NELL1: variants seen among roughly 807,000 people sequenced by gnomAD.
The protein encoded by NELL1 is neural EGFL like 1.
A neutral mutation model predicts 107.4 loss-of-function variants in NELL1; 76 were observed. The observed-to-expected ratio is 0.71, with a 90% confidence interval of 0.59 to 0.86. The LOEUF is 0.86. Ranked by LOEUF, NELL1 falls within the 40% of genes least tolerant of loss-of-function variation. NELL1 has a pLI of 0.00. For missense variants in NELL1, 1,024 were observed against 1,005.5 expected (o/e 1.02, Z -0.25); for synonymous variants, 353 against 341.2 (o/e 1.03, Z -0.38).
chr11:20,804,206 GT>G (rs1857335910), intron 3 of NELL1, among the ~76,000 whole-genome samples: 1 of 151,990 alleles, frequency 6.6e-6, no homozygotes, highest in African/African-American at 2.4e-5. Flanking sequence ...ATTATCATTT[GT>G]TTCAAAAATT....
intron 9 of NELL1, among the ~76,000 whole-genome samples, chr11:20,931,857 G>A (rs559324110): frequency 6.6e-6 from 1 of 151,840 alleles, no homozygotes; most frequent in Non-Finnish European, 1.5e-5. Context: ...AAATTCCCAA[G>A]CTTCTCTCTG....
chr11:21,257,899 A>T lies in NELL1; in HGVS notation c.1549+28445A>T, dbSNP rs189992503. On this transcript the variant is annotated intron_variant, in intron 14 of 19. Coordinates refer to ENST00000357134, the MANE Select transcript of NELL1 (RefSeq NM_006157.5). ...ACCCTAAGTGACAAATGTACCAACCAGCAAGATACATCCCTTTCTCCTAGT... is the reference window on the plus strand; with the variant it reads ...ACCCTAAGTGACAAATGTACCAACCTGCAAGATACATCCCTTTCTCCTAGT... 2.0e-5 allele frequency among the ~76,000 whole-genome samples: 3 copies of T among 152,102 alleles called. No homozygotes were observed. In the East Asian group the frequency reaches 5.8e-4, roughly 30 times the overall value.
intron 14 of NELL1, among the ~76,000 whole-genome samples, chr11:21,340,874 T>C (rs189336443): frequency 5.1e-4 from 77 of 152,270 alleles, no homozygotes; most frequent in African/African-American, 1.8e-3. Flanking sequence ...ACAGTAAATT[T>C]ATGCTGTTTA....
At chr11:20,688,134 T>C (rs1429421448) in intron 2 of NELL1, among the ~76,000 whole-genome samples, 3 of 152,116 alleles carry the variant, frequency 2.0e-5, no homozygotes, top group Non-Finnish European at 2.9e-5. Flanking sequence ...TGTGTAACCA[T>C]AGTTTTCGTA....
chr11:20,928,340 A>G lies in NELL1; in HGVS notation c.895-37A>G, dbSNP rs755688818. 1.9e-6 allele frequency: 3 copies of G among 1,547,730 alleles called. No homozygotes were observed. In the Admixed American group the frequency reaches 5.0e-5, roughly 26 times the overall value. On this transcript the variant is annotated intron_variant, in intron 8 of 19. Transcript: ENST00000357134. ...TCCACAACAGGAGCTATCAAAGGAT[A>G]CTTCTGAGATTATGTTCCATGTCCT... is the stretch of plus-strand genomic sequence containing the variant.
intron 5 of NELL1, among the ~76,000 whole-genome samples, chr11:20,917,973 T>G (rs558189568): frequency 2.1e-4 from 32 of 152,124 alleles, no homozygotes; most frequent in African/African-American, 7.5e-4. Flanking sequence ...TGGTAACTAA[T>G]TGGAGCTTTC....
intron 13 of NELL1, among the ~76,000 whole-genome samples, chr11:21,128,051 A>T (rs780874527): frequency 2.0e-5 from 3 of 152,132 alleles, no homozygotes; most frequent in African/African-American, 4.8e-5. Context: ...CAACCAGCCC[A>T]ACACAGGGAC....
At chr11:20,669,565 G>C (rs967272405), upstream of NELL1, 5 of 379,854 alleles carry the variant, frequency 1.3e-5, no homozygotes, top group South Asian at 4.6e-5. This position sits in a 1 kb window ranked among gnomAD's most constrained non-coding sequence, Gnocchi z 4.4. Context: ...CTGCCTTCCC[G>C]GGCGCATATG....
chr11:21,546,784 T>C (rs963617160), intron 16 of NELL1, among the ~76,000 whole-genome samples: 1 of 151,968 alleles, frequency 6.6e-6, no homozygotes, highest in South Asian at 2.1e-4. Context: ...TATCTACAAT[T>C]TCTTTGAAAT....
At chr11:20,793,696 C>T (rs922944851) in intron 3 of NELL1, among the ~76,000 whole-genome samples, 3 of 152,076 alleles carry the variant, frequency 2.0e-5, no homozygotes, top group African/African-American at 4.8e-5. Flanking sequence ...TTTTCTATAG[C>T]TCTTAATTTC....
chr11:20,714,997 A>G (rs1184526378), intron 2 of NELL1, among the ~76,000 whole-genome samples: 2 of 152,244 alleles, frequency 1.3e-5, no homozygotes, highest in East Asian at 3.9e-4. Context: ...TAATCCCAGT[A>G]CTTCGGGAGG....
chr11:20,979,089 G>A (rs1851697968), intron 12 of NELL1, among the ~76,000 whole-genome samples: 2 of 152,128 alleles, frequency 1.3e-5, no homozygotes, highest in Non-Finnish European at 1.5e-5. Flanking sequence ...GTTTTTGGTC[G>A]ACTGAACCAA....
intron 17 of NELL1, among the ~76,000 whole-genome samples, chr11:21,567,338 GGCCTATTGTTGGGAAAT>G (rs1331840459): frequency 6.7e-6 from 1 of 150,240 alleles, no homozygotes; most frequent in Non-Finnish European, 1.5e-5. Flanking sequence ...GTAAACCAAA[GGCCTATTGTTGGGAAAT>G]TCCTAGGATC....
chr11:21,474,702 CT>C (rs1178046786), intron 15 of NELL1, among the ~76,000 whole-genome samples: 1 of 151,938 alleles, frequency 6.6e-6, no homozygotes, highest in Non-Finnish European at 1.5e-5. Context: ...TAAGCACAAT[CT>C]TTTTTTCCAC....
intron 15 of NELL1, among the ~76,000 whole-genome samples, chr11:21,454,582 A>T (rs1475591441): frequency 6.6e-6 from 1 of 152,238 alleles, no homozygotes; most frequent in African/African-American, 2.4e-5. Context: ...AATGAAAAAG[A>T]ATACATCTCT....
chr11:21,565,779 C>T lies in NELL1; in HGVS notation c.1981-4985C>T, dbSNP rs113525645. Among the ~76,000 whole-genome samples the T allele has an allele frequency of 2.1e-4, 32 of 152,020 alleles. 2 individuals are homozygous for T. Among genetic ancestry groups the T allele is most frequent in the Middle Eastern group, 3.4e-3 (1 of 292 alleles). On this transcript the variant is annotated intron_variant, in intron 17 of 19. Coordinates refer to ENST00000357134, the MANE Select transcript of NELL1 (RefSeq NM_006157.5). ...GCATTTGCCTCTCTGGGCTTGGTTT[C>T]CTCTTCATTAAAATGAGATAACTGG...
At chr11:20,689,103 G>A (rs553889494) in intron 2 of NELL1, among the ~76,000 whole-genome samples, 6 of 151,882 alleles carry the variant, frequency 4.0e-5, no homozygotes, top group Middle Eastern at 3.4e-3. Context: ...CATGTCATTT[G>A]CTCACTTTTT....
chr11:21,317,375 A>AT (rs1849901452), intron 14 of NELL1, among the ~76,000 whole-genome samples: 1 of 2,856 alleles, frequency 3.5e-4, no homozygotes, highest in Non-Finnish European at 7.6e-4. Flanking sequence ...ATTGTTATAG[A>AT]TTTTTTCCTT....
intron 12 of NELL1, among the ~76,000 whole-genome samples, chr11:20,975,872 T>A (rs1453738409): frequency 8.4e-6 from 1 of 118,834 alleles, no homozygotes; most frequent in East Asian, 2.5e-4. Flanking sequence ...GTATTATATA[T>A]ACACATACAT....
Sources: allele counts gnomAD v4.1 joint callset (sites outside exome capture counted in the v4.1 genomes callset), GRCh38; gene constraint gnomAD v4.1.1; non-coding constraint Gnocchi (gnomAD v3.1); transcripts MANE v1.5; gene names NCBI Gene and HGNC (gene_info 2026-07-23, HGNC 2026-07-21).